The following CHIC1 variants were observed in gnomAD, a reference collection of about 807,000 sequenced individuals.
CHIC1 encodes cysteine rich hydrophobic domain 1, also known as cysteine-rich hydrophobic domain-containing protein 1.
A neutral mutation model predicts 18.5 loss-of-function variants in CHIC1; 7 were observed. The observed-to-expected ratio is 0.38, with a 90% CI of 0.22 to 0.71. The LOEUF is 0.71. CHIC1 is among the 30% of genes least tolerant of loss of function. The pLI is 0.49. For missense variants in CHIC1, 159 were observed against 176.9 expected (o/e 0.90, Z 0.57); for synonymous variants, 77 against 73.5 (o/e 1.05, Z -0.25).
chrX:73,658,189 A>G (rs2057959976), intron 3 of CHIC1, among the ~76,000 whole-genome samples: 1 of 102,612 alleles, frequency 9.7e-6, no homozygotes, highest in Admixed American at 1.1e-4. Flanking sequence ...TTTTAGTAGG[A>G]ATGGTACCAG....
At chrX:73,651,839 C>T (rs1233466395) in intron 3 of CHIC1, among the ~76,000 whole-genome samples, 4 of 111,527 alleles carry the variant, frequency 3.6e-5, no homozygotes, top group African/African-American at 6.5e-5. Flanking sequence ...ATTTAATGCT[C>T]TTCCCATCAA....
intron 2 of CHIC1, among the ~76,000 whole-genome samples, chrX:73,579,886 TATTAAA>T (rs1479534488): frequency 2.7e-5 from 3 of 110,757 alleles, no homozygotes; most frequent in Non-Finnish European, 5.7e-5. Context: ...GCAAATTCAT[TATTAAA>T]ATTAAAGAGA....
intron 1 of CHIC1, 90 bp from the exon 2 acceptor site, chrX:73,577,317 A>G: frequency 1.5e-6 from 1 of 665,152 alleles, no homozygotes; most frequent in Non-Finnish European, 2.2e-6. Flanking sequence ...GCCAAAAGAA[A>G]AATGCATGGG....
At chrX:73,648,886 G>A (rs1330605665) in intron 3 of CHIC1, among the ~76,000 whole-genome samples, 1 of 111,114 alleles carries the variant, frequency 9.0e-6, no homozygotes, top group Non-Finnish European at 1.9e-5. Flanking sequence ...TCAACCCGAA[G>A]ACACATGATC....
Position 73,563,378 on chromosome X carries a change from CCGTCGTCGTCGTCGT to C in CHIC1, c.97_111del (p.Ser33_Ser37del), listed in dbSNP as rs760149927. On this transcript the variant is annotated inframe_deletion, in exon 1 of 6. Coordinates refer to ENST00000373502, the MANE Select transcript of CHIC1 (RefSeq NM_001039840.4). ...AGAAGCGGCAACGTCGTCGTCGTCG[CCGTCGTCGTCGTCGT>C]CGGTATCTGGGCCCGACGATGACGA... 3 of 1,153,743 alleles carry C rather than the reference CCGTCGTCGTCGTCGT, an allele frequency of 2.6e-6. No homozygotes were observed. Among genetic ancestry groups the C allele is most frequent in the South Asian group, 2.0e-5 (1 of 50,762 alleles).
chrX:73,659,748 A>G (rs1404791889), intron 3 of CHIC1, among the ~76,000 whole-genome samples: 1 of 111,386 alleles, frequency 9.0e-6, no homozygotes, highest in Non-Finnish European at 1.9e-5. Context: ...TTATGAAAAA[A>G]TGTCATAGTG....
intron 3 of CHIC1, among the ~76,000 whole-genome samples, chrX:73,648,502 C>A (rs1220163702): frequency 9.0e-6 from 1 of 111,553 alleles, no homozygotes; most frequent in Non-Finnish European, 1.9e-5. Context: ...ACTAGAATAA[C>A]CATTTTAGAG....
At chrX:73,591,762 A>G (rs1447560389) in intron 3 of CHIC1, among the ~76,000 whole-genome samples, 2 of 111,433 alleles carry the variant, frequency 1.8e-5, no homozygotes, top group Admixed American at 1.9e-4. Flanking sequence ...GTTGATGTCC[A>G]TTTGTACCAG....
rs181780238 is a variant in CHIC1 at position 73,661,177 on chromosome X, G to A, written c.508-18149G>A. ...TTGTCAGTTTTAATTTTTGTGGGCC[G>A]CCCCATAAAGGCAAAAGTTAAAAGA... On this transcript the variant is annotated intron_variant, in intron 3 of 5. Transcript: ENST00000373502. Among the ~76,000 whole-genome samples the A allele has an allele frequency of 3.6e-5, 4 of 111,923 alleles. No individual in the cohort carries two copies. The East Asian group carries it at 8.5e-4, about 24-fold the overall frequency.
chrX:73,674,422 G>T (rs2058050331), intron 3 of CHIC1, among the ~76,000 whole-genome samples: 1 of 111,906 alleles, frequency 8.9e-6, no homozygotes, highest in South Asian at 3.8e-4. Flanking sequence ...CCTGTTATTT[G>T]TCTATTCAGA....
intron 3 of CHIC1, among the ~76,000 whole-genome samples, chrX:73,606,050 G>A (rs2057682057): frequency 9.3e-6 from 1 of 108,013 alleles, no homozygotes; most frequent in African/African-American, 3.6e-5. Context: ...GTCTTGCTAG[G>A]TTGGGTAAGT....
intron 3 of CHIC1, among the ~76,000 whole-genome samples, chrX:73,626,016 C>T (rs766756762): frequency 1.6e-3 from 182 of 110,677 alleles, no homozygotes; most frequent in African/African-American, 5.8e-3. Context: ...CTTCATGGTT[C>T]GCCAGGAAGA....
chrX:73,609,132 G>A (rs1438863536), intron 3 of CHIC1, among the ~76,000 whole-genome samples: 1 of 102,909 alleles, frequency 9.7e-6, no homozygotes, highest in Non-Finnish European at 1.9e-5. Context: ...TCCAGCCTGG[G>A]TGACAGAGTG....
chrX:73,590,556 A>G (rs1379255476), intron 3 of CHIC1, among the ~76,000 whole-genome samples: 1 of 111,567 alleles, frequency 9.0e-6, no homozygotes, highest in Non-Finnish European at 1.9e-5. Flanking sequence ...ATATGTAGCC[A>G]TCATCATAGT....
chrX:73,643,944 C>T (rs1355798593), intron 3 of CHIC1, among the ~76,000 whole-genome samples: 1 of 112,086 alleles, frequency 8.9e-6, no homozygotes, highest in African/African-American at 3.2e-5. Flanking sequence ...GAGAGGCGCT[C>T]AGCTTTTTAG....
At chrX:73,649,337 T>C (rs755144989) in intron 3 of CHIC1, among the ~76,000 whole-genome samples, 1 of 111,532 alleles carries the variant, frequency 9.0e-6, no homozygotes, top group Non-Finnish European at 1.9e-5. Flanking sequence ...AGCATCAAAT[T>C]CACATATAAC....
chrX:73,588,861 AT>A (rs1354109792), intron 3 of CHIC1, among the ~76,000 whole-genome samples: 1 of 109,415 alleles, frequency 9.1e-6, no homozygotes, highest in African/African-American at 3.3e-5. Flanking sequence ...TTCACTTCTA[AT>A]TTTTTTCTAA....
intron 3 of CHIC1, among the ~76,000 whole-genome samples, chrX:73,676,633 C>G (rs183462738): frequency 1.9e-3 from 207 of 111,326 alleles, no homozygotes; most frequent in African/African-American, 6.4e-3. Context: ...ATCCATTTTT[C>G]TAATTTTTTT....
chrX:73,681,175 T>C lies in CHIC1; in HGVS notation c.*170T>C. 2.4e-6 allele frequency: 1 copy of C among 410,081 alleles called. No individual in the cohort carries two copies. Among genetic ancestry groups the C allele is most frequent in the East Asian group, 4.4e-5 (1 of 22,986 alleles). 33.8% of individuals were successfully genotyped at this position (410,081 alleles called of 1,213,427 possible). A position where few individuals can be genotyped will look rare whatever the true frequency, so the allele number is the denominator to read the frequency against. ...TATGAAGAAAATTTGCACATCTTTT[T>C]TGTCTTTCAATGAGGCTTGTGTTTT... On this transcript the variant is annotated 3_prime_UTR_variant, in exon 6 of 6. Transcript: ENST00000373502.
Sources: gnomAD v4.1 joint callset for allele counts (sites outside exome capture counted in the v4.1 genomes callset) on GRCh38, gnomAD v4.1.1 for gene constraint, MANE v1.5 for transcripts, NCBI Gene and HGNC (gene_info 2026-07-23, HGNC 2026-07-21) for gene names.